The following ROBO2 variants were observed in gnomAD, a reference collection of about 807,000 sequenced individuals.
ROBO2 encodes roundabout homolog 2.
Under a neutral mutation model 160.8 loss-of-function variants are expected in ROBO2, and 53 were observed. The ratio of observed to expected loss-of-function variants is 0.33; its 90% CI spans 0.26 to 0.41. ROBO2 has a LOEUF of 0.41. Among genes scored for constraint, ROBO2 ranks in the 10% least tolerant of loss-of-function variants. ROBO2 has a pLI of 1.00. For missense variants in ROBO2, 1,577 were observed against 1,722.4 expected (o/e 0.92, Z 1.49); for synonymous variants, 664 against 611.7 (o/e 1.09, Z -1.26).
chr3:76,489,543 A>C (rs6788691), intron 2 of ROBO2, among the ~76,000 whole-genome samples: 51,721 of 152,024 alleles, frequency 0.34, 9,349 homozygotes, highest in Non-Finnish European at 0.41. Flanking sequence ...GAAGTAAGTA[A>C]GTAGTAAGAA....
chr3:77,606,368 T>C (rs553908117), intron 20 of ROBO2, among the ~76,000 whole-genome samples: 1 of 152,188 alleles, frequency 6.6e-6, no homozygotes, highest in Non-Finnish European at 1.5e-5. Context: ...AGGCAGTAAC[T>C]ATTGAGTAAC....
intron 2 of ROBO2, among the ~76,000 whole-genome samples, chr3:76,907,103 T>C (rs1408052024): frequency 6.6e-6 from 1 of 152,070 alleles, no homozygotes; most frequent in East Asian, 1.9e-4. Flanking sequence ...TGCATCATAG[T>C]TGAATACATG....
At chr3:76,282,469 G>T (rs910711611) in intron 2 of ROBO2, among the ~76,000 whole-genome samples, 1 of 151,834 alleles carries the variant, frequency 6.6e-6, no homozygotes, top group South Asian at 2.1e-4. Context: ...TACTAAAATT[G>T]TTTATTTTTT....
chr3:75,908,593 A>C (rs916840176), intron 1 of ROBO2, among the ~76,000 whole-genome samples: 9 of 152,182 alleles, frequency 5.9e-5, no homozygotes, highest in African/African-American at 2.2e-4. Context: ...TATGCTATTT[A>C]ACTTCAAGTT....
intron 2 of ROBO2, among the ~76,000 whole-genome samples, chr3:76,560,591 A>G (rs2084106814): frequency 6.7e-6 from 1 of 150,048 alleles, no homozygotes; most frequent in Non-Finnish European, 1.5e-5. Flanking sequence ...TACTAGTACT[A>G]GGACTCTGAT....
chr3:77,110,696 T>TAG (rs369988521), intron 2 of ROBO2, among the ~76,000 whole-genome samples: 88 of 147,668 alleles, frequency 6.0e-4, no homozygotes, highest in African/African-American at 1.9e-3. Context: ...TATATATATA[T>TAG]AGAGAGAGAG....
intron 2 of ROBO2, among the ~76,000 whole-genome samples, chr3:76,787,061 A>C (rs1316755368): frequency 6.6e-6 from 1 of 151,020 alleles, no homozygotes; most frequent in African/African-American, 2.4e-5. Flanking sequence ...ATGTTCAAAC[A>C]ACCAGGTCTC....
chr3:76,530,942 G>A (rs901575675), intron 2 of ROBO2, among the ~76,000 whole-genome samples: 1 of 151,958 alleles, frequency 6.6e-6, no homozygotes, highest in Non-Finnish European at 1.5e-5. Context: ...TACTTCCCAC[G>A]CTTGTATCCC....
intron 2 of ROBO2, among the ~76,000 whole-genome samples, chr3:76,347,175 CTT>C (rs1179848158): frequency 6.6e-6 from 1 of 152,098 alleles, no homozygotes; most frequent in East Asian, 1.9e-4. Flanking sequence ...CTGATAAACA[CTT>C]TTTACTGTAT....
intron 2 of ROBO2, among the ~76,000 whole-genome samples, chr3:76,592,726 T>A (rs1018384309): frequency 3.9e-5 from 6 of 152,056 alleles, no homozygotes; most frequent in African/African-American, 1.4e-4. Context: ...GACTTTCTAC[T>A]CCAAGTTTCT....
At chr3:77,402,903 G>A (rs1275788217) in intron 2 of ROBO2, among the ~76,000 whole-genome samples, 1 of 151,914 alleles carries the variant, frequency 6.6e-6, no homozygotes, top group Non-Finnish European at 1.5e-5. Flanking sequence ...CTGCTCTAAA[G>A]GTTTCTAATA....
intron 2 of ROBO2, among the ~76,000 whole-genome samples, chr3:76,422,095 C>A (rs2076020424): frequency 6.6e-6 from 1 of 152,226 alleles, no homozygotes; most frequent in Admixed American, 6.5e-5. Context: ...AGAGGCTAAT[C>A]ATTCCACTTC....
At chr3:76,945,482 T>G (rs962796319) in intron 2 of ROBO2, among the ~76,000 whole-genome samples, 1 of 152,194 alleles carries the variant, frequency 6.6e-6, no homozygotes, top group African/African-American at 2.4e-5. Context: ...TTTATCCCAT[T>G]TTGAAAAATT....
At chr3:75,983,272 T>C (rs935965757) in intron 2 of ROBO2, among the ~76,000 whole-genome samples, 1 of 150,318 alleles carries the variant, frequency 6.7e-6, no homozygotes, top group Non-Finnish European at 1.5e-5. Flanking sequence ...AAAGCTGAAA[T>C]GAAAAAGAAG....
intron 2 of ROBO2, among the ~76,000 whole-genome samples, chr3:76,562,201 A>C (rs2084222217): frequency 6.6e-6 from 1 of 151,652 alleles, no homozygotes; most frequent in Non-Finnish European, 1.5e-5. Flanking sequence ...AACTTCTCTG[A>C]GGCTTAGTTT....
At position 76,795,604 on chromosome 3, in the gene ROBO2, A is replaced by G. The variant is rs1248590056; in HGVS notation, c.110-302410A>G. Reference sequence around the variant, plus strand: ...GTCACATTTTCAGGCTCTACTTCCAACTGTAGTTCTCTTGCTATTTCCATG... The same window carrying G: ...GTCACATTTTCAGGCTCTACTTCCAGCTGTAGTTCTCTTGCTATTTCCATG... On this transcript the variant is annotated intron_variant, in intron 2 of 26. Transcript: ENST00000487694. Among the ~76,000 whole-genome samples, 7 of 152,218 alleles carry G rather than the reference A, an allele frequency of 4.6e-5. No homozygotes were observed. The South Asian group carries it at 1.5e-3, about 32-fold the overall frequency.
chr3:76,127,358 TTTC>T (rs1452935694), intron 2 of ROBO2, among the ~76,000 whole-genome samples: 3 of 152,114 alleles, frequency 2.0e-5, no homozygotes, highest in Non-Finnish European at 4.4e-5. Context: ...AGGATAAGTG[TTTC>T]TTAATATAAG....
intron 2 of ROBO2, among the ~76,000 whole-genome samples, chr3:76,082,500 T>C (rs763190531): frequency 6.6e-6 from 1 of 152,102 alleles, no homozygotes; most frequent in Admixed American, 6.6e-5. Flanking sequence ...TTGACTCTTA[T>C]CTGTATACAA....
intron 2 of ROBO2, among the ~76,000 whole-genome samples, chr3:76,095,353 A>AT (rs1249794454): frequency 6.6e-6 from 1 of 152,078 alleles, no homozygotes; most frequent in African/African-American, 2.4e-5. Flanking sequence ...GAAACAAATA[A>AT]TTTTTTCCAA....
Sources: gnomAD v4.1 joint callset for allele counts (sites outside exome capture counted in the v4.1 genomes callset) on GRCh38, gnomAD v4.1.1 for gene constraint, MANE v1.5 for transcripts, NCBI Gene and HGNC (gene_info 2026-07-23, HGNC 2026-07-21) for gene names.